The following USH2A variants were observed in gnomAD, a reference collection of about 807,000 sequenced individuals.
USH2A encodes the protein usherin, also known as Usher syndrome 2A (autosomal recessive, mild).
Under a neutral mutation model 538.9 loss-of-function variants are expected in USH2A, and 443 were observed. The observed-to-expected ratio is 0.82, with a 90% CI of 0.76 to 0.89. The LOEUF is 0.89. Among genes scored for constraint, USH2A ranks in the 40% least tolerant of loss-of-function variants. The probability of loss-of-function intolerance (pLI) is 0.00; values close to 1 mark genes in which losing one functional copy is unlikely to be tolerated. For missense variants in USH2A, 6,633 were observed against 6,324.8 expected (o/e 1.05, Z -1.65); for synonymous variants, 2,413 against 2,273.5 (o/e 1.06, Z -1.75).
At chr1:216,052,663 G>T (rs1224903021) in intron 30 of USH2A, among the ~76,000 whole-genome samples, 1 of 152,160 alleles carries the variant, frequency 6.6e-6, no homozygotes, top group East Asian at 1.9e-4. Flanking sequence ...CTCCTGTCAG[G>T]TTAAAAATTA....
At chr1:215,733,035 T>C (rs1010939380) in intron 60 of USH2A, among the ~76,000 whole-genome samples, 2 of 152,130 alleles carry the variant, frequency 1.3e-5, no homozygotes, top group African/African-American at 4.8e-5. Context: ...AGCTAATTTA[T>C]ACAGAATAGG....
chr1:215,890,539 T>G (rs898059199), intron 40 of USH2A, among the ~76,000 whole-genome samples: 2 of 152,170 alleles, frequency 1.3e-5, no homozygotes, highest in Non-Finnish European at 2.9e-5. Flanking sequence ...AATTTGGTAA[T>G]GTATCCTATT....
chr1:216,294,328 A>G (rs1259519085), intron 9 of USH2A, among the ~76,000 whole-genome samples: 3 of 152,096 alleles, frequency 2.0e-5, no homozygotes, highest in Non-Finnish European at 4.4e-5. Context: ...TCAACATGAG[A>G]TAATTTCTTT....
rs1208932875 is a variant in USH2A at position 215,900,856 on chromosome 1, A to C, written c.7350T>G (p.Ser2450Arg). The part of the protein sequence containing the change: ...PPRLSSATPT[S>R]LQVVWSTPAR... ...CTGGTGTAGACCAGACAACCTGAAG[A>C]CTGGTTGGAGTGGCAGATGAAAGCC... The change falls in exon 39 of 72, where the codon AGT becomes AGG. Residue 2450 changes from serine to arginine, a missense_variant. By Grantham distance (110) the Ser-to-Arg change is moderately radical. Coordinates refer to ENST00000307340, the MANE Select transcript of USH2A (RefSeq NM_206933.4). 1 of 1,613,574 alleles carries C rather than the reference A, an allele frequency of 6.2e-7. No homozygotes were observed. Among genetic ancestry groups the C allele is most frequent in the Non-Finnish European group, 8.5e-7 (1 of 1,179,760 alleles).
At chr1:216,019,805 G>C (rs866852539) in intron 32 of USH2A, among the ~76,000 whole-genome samples, 3 of 152,278 alleles carry the variant, frequency 2.0e-5, no homozygotes, top group South Asian at 4.1e-4. Flanking sequence ...AAGACAGCGG[G>C]TAGGATGAGC....
rs4319295 is a variant in USH2A at position 216,266,621 on chromosome 1, G to A, written c.1972-15523C>T. Among the ~76,000 whole-genome samples, 12 of 152,202 alleles carry A rather than the reference G, an allele frequency of 7.9e-5. No individual in the cohort carries two copies. In the East Asian group the frequency reaches 1.4e-3, roughly 17 times the overall value. On this transcript the variant is annotated intron_variant, in intron 11 of 71. Coordinates refer to ENST00000307340, the MANE Select transcript of USH2A (RefSeq NM_206933.4). The stretch of plus-strand genomic sequence containing the variant: ...ACAAGAATGGAAGGCATGGGATTCA[G>A]GAAATGAGGATGTAGAGGTATATGA...
intron 32 of USH2A, among the ~76,000 whole-genome samples, chr1:216,018,006 A>T (rs1054008679): frequency 8.5e-5 from 13 of 152,120 alleles, no homozygotes; most frequent in Admixed American, 8.5e-4. Context: ...ACACAAATCA[A>T]ATGCCACACC....
At chr1:216,080,274 T>C (rs1313234848) in intron 26 of USH2A, among the ~76,000 whole-genome samples, 1 of 152,056 alleles carries the variant, frequency 6.6e-6, no homozygotes, top group East Asian at 1.9e-4. Context: ...TAGTAGAAAA[T>C]AGTTCTTTTA....
intron 13 of USH2A, 46 bp from the exon 14 acceptor site, chr1:216,232,182 T>C (rs1167388083): frequency 6.4e-7 from 1 of 1,558,442 alleles, no homozygotes; most frequent in Non-Finnish European, 8.7e-7. Context: ...TTTTATCCAC[T>C]CTTTTATTTA....
chr1:216,040,889 T>C (rs1419019843), intron 32 of USH2A, among the ~76,000 whole-genome samples: 1 of 151,874 alleles, frequency 6.6e-6, no homozygotes, highest in African/African-American at 2.4e-5. Context: ...AAAAGATAAA[T>C]GGCACCACCA....
At chr1:215,669,266 C>T (rs1408280650) in intron 64 of USH2A, among the ~76,000 whole-genome samples, 1 of 152,138 alleles carries the variant, frequency 6.6e-6, no homozygotes, top group Admixed American at 6.6e-5. Flanking sequence ...AGATAACTGA[C>T]AGCTTGATAA....
At chr1:215,633,026 C>A (rs1215941099) in intron 70 of USH2A, among the ~76,000 whole-genome samples, 1 of 152,144 alleles carries the variant, frequency 6.6e-6, no homozygotes, top group African/African-American at 2.4e-5. Context: ...AGCTTACCTT[C>A]TATTTCAGGA....
chr1:216,199,118 T>C (rs2034922431), intron 17 of USH2A, among the ~76,000 whole-genome samples: 1 of 152,232 alleles, frequency 6.6e-6, no homozygotes, highest in Admixed American at 6.5e-5. Context: ...AATATGTACA[T>C]GATATAAATG....
In USH2A at chr1:216,199,789, C is replaced by A. The variant is rs202247801; in HGVS notation, c.3649G>T (p.Asp1217Tyr). The A allele has an allele frequency of 1.2e-6, 2 of 1,613,996 alleles. No individual in the cohort carries two copies. Among genetic ancestry groups the A allele is most frequent in the East Asian group, 4.5e-5 (2 of 44,858 alleles). Residue 1217 changes from aspartate (D) to tyrosine (Y), a missense_variant, in exon 17 of 72, where the codon GAT becomes TAT. Transcript: ENST00000307340. Reference protein sequence around the residue: ...IWNLVPFAKYDFSVQACTSGG... With the variant: ...IWNLVPFAKYYFSVQACTSGG... ...CTAGTACACGCCTGTACAGAAAAAT[C>A]GTACTTGGCAAATGGAACCAGATTC... is the stretch of plus-strand genomic sequence containing the variant.
intron 4 of USH2A, among the ~76,000 whole-genome samples, chr1:216,333,293 T>A (rs979492896): frequency 4.6e-5 from 7 of 151,316 alleles, no homozygotes; most frequent in Admixed American, 2.0e-4. Context: ...AAAGAAAAAA[T>A]AAATAGAAAA....
intron 3 of USH2A, among the ~76,000 whole-genome samples, chr1:216,391,113 T>C (rs945308682): frequency 2.0e-5 from 3 of 152,210 alleles, no homozygotes; most frequent in Non-Finnish European, 2.9e-5. Flanking sequence ...AGAGTTCAGC[T>C]GAAGGTAACT....
rs746103983 is a variant in USH2A, at chr1:215,999,076, CATT to C, written c.6486-21_6486-19del. 2.5e-6 allele frequency: 4 copies of C among 1,595,958 alleles called. No homozygotes were observed. The highest frequency in any genetic ancestry group is 2.2e-5 in the East Asian group (1 of 44,612). ...GTTTCCACCTGGGAATGGTAAAATACATTATTATCATTCATTCAAGTCAAAACT... is the reference window on the plus strand; with the variant it reads ...GTTTCCACCTGGGAATGGTAAAATACATTATCATTCATTCAAGTCAAAACT... On this transcript the variant is annotated intron_variant, in intron 33 of 71. Coordinates refer to ENST00000307340, the MANE Select transcript of USH2A (RefSeq NM_206933.4).
At chr1:216,109,706 A>G (rs2032820626) in intron 21 of USH2A, among the ~76,000 whole-genome samples, 2 of 152,132 alleles carry the variant, frequency 1.3e-5, no homozygotes, top group South Asian at 2.1e-4. Flanking sequence ...CTATATTTTC[A>G]GTGGATTATC....
chr1:215,970,586 C>CAA, intron 36 of USH2A, 39 bp downstream of exon 36: 1 of 1,612,972 alleles, frequency 6.2e-7, no homozygotes, highest in African/African-American at 1.3e-5. Context: ...TGTCATCTGA[C>CAA]ATTTAACACA....
Sources: allele counts gnomAD v4.1 joint callset (sites outside exome capture counted in the v4.1 genomes callset), GRCh38; gene constraint gnomAD v4.1.1; transcripts MANE v1.5; gene names NCBI Gene and HGNC (gene_info 2026-07-23, HGNC 2026-07-21).